ZNF556: variants seen among roughly 807,000 people sequenced by gnomAD.
ZNF556 encodes the protein zinc finger protein 556.
Under a neutral mutation model 13.6 loss-of-function variants are expected in ZNF556, and 11 were observed. The ratio of observed to expected loss-of-function variants is 0.81; its 90% CI spans 0.51 to 1.33. The LOEUF (loss-of-function observed/expected upper bound fraction) is 1.33, where lower values mean the gene tolerates loss of function less well. ZNF556 is among the 40% of genes most tolerant of loss of function. ZNF556 has a pLI of 0.00. For synonymous variants in ZNF556, 229 were observed against 207.8 expected, an observed-to-expected ratio of 1.10 and a Z score of -0.88; for missense variants, 633 against 566.2, an observed-to-expected ratio of 1.12 and a Z score of -1.20.
In ZNF556 at chr19:2,878,452, C is replaced by T. The variant is rs1447671665; in HGVS notation, c.*123C>T. The T allele has an allele frequency of 1.4e-5, 13 of 907,448 alleles. No individual in the cohort carries two copies. Among genetic ancestry groups the T allele is most frequent in the South Asian group, 1.4e-4 (8 of 58,952 alleles). 56.2% of individuals were successfully genotyped at this position (907,448 alleles called of 1,614,324 possible). On this transcript the variant is annotated 3_prime_UTR_variant, in exon 4 of 4. Transcript: ENST00000307635. The stretch of plus-strand genomic sequence containing the variant: ...TTGGGAGGCCGAGGCAGGCGGATCA[C>T]GAGGTCAGGAGATCAAGACCATCCT...
At chr19:2,867,578 C>A (rs1234747994) in intron 1 of ZNF556, among the ~76,000 whole-genome samples, 154 bp downstream of exon 1, 1 of 151,916 alleles carries the variant, frequency 6.6e-6, no homozygotes, top group South Asian at 2.1e-4. Flanking sequence ...GGAGTTTCCT[C>A]CCCTGCCCCA....
intron 2 of ZNF556, among the ~76,000 whole-genome samples, chr19:2,874,376 C>T (rs114587691): frequency 6.6e-6 from 1 of 152,060 alleles, no homozygotes; most frequent in African/African-American, 2.4e-5. Context: ...TGTCCTGGAC[C>T]TAAAATTCAG....
Position 2,878,089 on chromosome 19 carries a change from A to G in ZNF556, c.1131A>G (p.Lys377=). ...EKVYKCETCG[K]TYGWSSSLHK... ...TCTATAAATGTGAAACGTGTGGGAA[A>G]ACGTATGGTTGGTCCTCATCTTTAC... The change falls in exon 4 of 4, where the codon AAA becomes AAG. Residue 377 remains lysine (K), a synonymous_variant. Transcript: ENST00000307635. The G allele has an allele frequency of 6.2e-7, 1 of 1,614,142 alleles. No individual in the cohort carries two copies. Among genetic ancestry groups the G allele is most frequent in the South Asian group, 1.1e-5 (1 of 91,088 alleles).
In ZNF556 at chr19:2,878,547, G is replaced by A. The variant is rs1303956207; in HGVS notation, c.*218G>A. On this transcript the variant is annotated 3_prime_UTR_variant, in exon 4 of 4. Coordinates refer to ENST00000307635, the MANE Select transcript of ZNF556 (RefSeq NM_024967.3). ...AAAAATTAGCCGGGCGTGGTGGCGG[G>A]CACCTGTAGTCCCAGCTGCTCAGGA... 2.0e-5 allele frequency: 8 copies of A among 400,062 alleles called. No homozygotes were observed. Among genetic ancestry groups the A allele is most frequent in the Non-Finnish European group, 3.6e-5 (8 of 220,126 alleles). The allele number at this position is 400,062 out of a possible 1,614,324, so 24.8% of individuals were successfully genotyped here.
At position 2,878,407 on chromosome 19, in the gene ZNF556, A is replaced by G. The variant is rs1383392252; in HGVS notation, c.*78A>G. The G allele has an allele frequency of 6.9e-7, 1 of 1,449,764 alleles. No homozygotes were observed. Among genetic ancestry groups the G allele is most frequent in the African/African-American group, 1.4e-5 (1 of 70,618 alleles). The allele number at this position is 1,449,764 out of a possible 1,614,324, so 89.8% of individuals were successfully genotyped here. A position where few individuals can be genotyped will look rare whatever the true frequency, so the allele number is the denominator to read the frequency against. On this transcript the variant is annotated 3_prime_UTR_variant, in exon 4 of 4. Coordinates refer to ENST00000307635, the MANE Select transcript of ZNF556 (RefSeq NM_024967.3). ...GCAGGAGGGCCGGGCGCAGTGGCTC[A>G]CGCCTGTAATCCCAGCACTTTGGGA...
chr19:2,874,501 T>G (rs1308238837), intron 2 of ZNF556, among the ~76,000 whole-genome samples: 1 of 151,834 alleles, frequency 6.6e-6, no homozygotes, highest in Non-Finnish European at 1.5e-5. Context: ...TACCAGCACT[T>G]TGGGAGGCCG....
At position 2,877,483 on chromosome 19, in the gene ZNF556, T is replaced by C; in HGVS notation, c.525T>C (p.Tyr175=). Residue 175 remains tyrosine, a synonymous_variant, in exon 4 of 4, where the codon TAT becomes TAC. Coordinates refer to ENST00000307635, the MANE Select transcript of ZNF556 (RefSeq NM_024967.3). The part of the protein sequence containing the change: ...HKRAHSGQKL[Y]KCKECGKAFS... The stretch of plus-strand genomic sequence containing the variant: ...GAGCTCACTCTGGACAAAAATTATA[T>C]AAATGTAAGGAATGTGGGAAAGCCT... 1 of 1,614,154 alleles carries C rather than the reference T, an allele frequency of 6.2e-7. No individual in the cohort carries two copies. The highest frequency in any genetic ancestry group is 1.1e-5 in the South Asian group (1 of 91,082).
At chr19:2,867,523 A>C (rs1471541738) in intron 1 of ZNF556, 99 bp downstream of exon 1, 3 of 1,503,554 alleles carry the variant, frequency 2.0e-6, no homozygotes. Context: ...GCCGCCCGGA[A>C]CCCCCATGCA....
chr19:2,867,384 G>T lies in ZNF556; in HGVS notation c.-38G>T. 6.3e-7 allele frequency: 1 copy of T among 1,575,080 alleles called. No individual in the cohort carries two copies. Among genetic ancestry groups the T allele is most frequent in the Non-Finnish European group, 8.6e-7 (1 of 1,161,218 alleles). ...TGCTCACCTGCACCGGCTGCGAGGAGCAGGGAGCTCCTCAAAGAGCTCAGG... is the reference window on the plus strand; with the variant it reads ...TGCTCACCTGCACCGGCTGCGAGGATCAGGGAGCTCCTCAAAGAGCTCAGG... On this transcript the variant is annotated 5_prime_UTR_variant, in exon 1 of 4. Transcript: ENST00000307635.
Position 2,876,195 on chromosome 19 carries a change from A to G in ZNF556, c.233A>G (p.Asn78Ser). 3 of 1,612,192 alleles carry G rather than the reference A, an allele frequency of 1.9e-6. No individual in the cohort carries two copies. Among genetic ancestry groups the G allele is most frequent in the Non-Finnish European group, 2.5e-6 (3 of 1,179,476 alleles). ...KQKIEKFTRK[N>S]IWASLLGKNW... is the part of the protein sequence containing the mutation. ...AAAATAGAAAAGTTCACAAGAAAGA[A>G]TATATGGGCCTCCCTTTTAGGAAAA... Residue 78 changes from asparagine to serine, a missense_variant, in exon 3 of 4, where the codon AAT becomes AGT. Physicochemically the swap from Asn to Ser is conservative, Grantham distance 46 (BLOSUM62 1). Transcript: ENST00000307635.
chr19:2,875,994 T>G lies in ZNF556; in HGVS notation c.131-99T>G, dbSNP rs2087847899. Reference sequence around the variant, plus strand: ...TAAATAAATAAATAGATAAATAAAATAAAATCACATAATGAAGTCATGAAA... The same window carrying G: ...TAAATAAATAAATAGATAAATAAAAGAAAATCACATAATGAAGTCATGAAA... On this transcript the variant is annotated intron_variant, in intron 2 of 3. Transcript: ENST00000307635. 3.0e-6 allele frequency: 3 copies of G among 1,010,352 alleles called. No individual in the cohort carries two copies. In the South Asian group the frequency reaches 5.0e-5, roughly 17 times the overall value. 62.6% of individuals were successfully genotyped at this position (1,010,352 alleles called of 1,614,324 possible). A position where few individuals can be genotyped will look rare whatever the true frequency, so the allele number is the denominator to read the frequency against.
chr19:2,872,182 G>A (rs2087808647), intron 1 of ZNF556, among the ~76,000 whole-genome samples: 2 of 148,788 alleles, frequency 1.3e-5, no homozygotes, highest in African/African-American at 4.9e-5. Flanking sequence ...CCTGACTGAT[G>A]TCAGGCCCTC....
Position 2,873,628 on chromosome 19 carries a change from G to T in ZNF556, c.130+6G>T. The T allele has an allele frequency of 6.2e-7, 1 of 1,612,194 alleles. No homozygotes were observed. Among genetic ancestry groups the T allele is most frequent in the Non-Finnish European group, 8.5e-7 (1 of 1,178,548 alleles). ...CAAGCACCTGGCCTCAGTAGGTGAG[G>T]ATAGCATTATTTCTGCACTTAGTTA... On this transcript the variant is annotated splice_donor_region_variant and intron_variant, in intron 2 of 3. Transcript: ENST00000307635.
At chr19:2,871,353 G>A (rs1377155115) in intron 1 of ZNF556, among the ~76,000 whole-genome samples, 1 of 152,194 alleles carries the variant, frequency 6.6e-6, no homozygotes. Flanking sequence ...AAAAGAACCA[G>A]ATTCCTAGAG....
chr19:2,867,711 A>C (rs541996022), intron 1 of ZNF556, among the ~76,000 whole-genome samples: 5 of 115,372 alleles, frequency 4.3e-5, no homozygotes, highest in Admixed American at 1.9e-4. Flanking sequence ...AACCCAAAGT[A>C]CAAAAAACAA....
chr19:2,879,802 G>C lies in ZNF556; in HGVS notation c.*1473G>C, dbSNP rs1406347277. Reference sequence around the variant, plus strand: ...TCCCAGCACTTTGGGAGGCTGAGGTGGGCGGATCACGAGGTCAGGAAATCG... The same window carrying C: ...TCCCAGCACTTTGGGAGGCTGAGGTCGGCGGATCACGAGGTCAGGAAATCG... On this transcript the variant is annotated 3_prime_UTR_variant, in exon 4 of 4. Coordinates refer to ENST00000307635, the MANE Select transcript of ZNF556 (RefSeq NM_024967.3). The C allele has an allele frequency of 6.6e-6, 1 of 151,600 alleles. No individual in the cohort carries two copies. Among genetic ancestry groups the C allele is most frequent in the African/African-American group, 2.4e-5 (1 of 41,340 alleles). 9.4% of individuals were successfully genotyped at this position (151,600 alleles called of 1,614,324 possible).
intron 1 of ZNF556, among the ~76,000 whole-genome samples, chr19:2,870,720 C>A (rs1426295487): frequency 6.8e-6 from 1 of 146,526 alleles, no homozygotes; most frequent in African/African-American, 2.5e-5. Context: ...GCACTCCAGC[C>A]TGGGCGACAG....
chr19:2,869,098 G>C (rs750293017), intron 1 of ZNF556, among the ~76,000 whole-genome samples: 1 of 152,130 alleles, frequency 6.6e-6, no homozygotes, highest in Non-Finnish European at 1.5e-5. Context: ...GTGACTATTC[G>C]GGTATTTTCA....
chr19:2,875,921 G>A (rs1005094188), intron 2 of ZNF556, among the ~76,000 whole-genome samples, 172 bp from the exon 3 acceptor site: 3 of 152,080 alleles, frequency 2.0e-5, no homozygotes, highest in Non-Finnish European at 2.9e-5. Flanking sequence ...CCGAGATCGC[G>A]CCGCTGCACT....
Sources: allele counts gnomAD v4.1 joint callset (sites outside exome capture counted in the v4.1 genomes callset), GRCh38; gene constraint gnomAD v4.1.1; transcripts MANE v1.5; gene names NCBI Gene and HGNC (gene_info 2026-07-23, HGNC 2026-07-21).